The following GABRB2 variants were observed in gnomAD, a reference collection of about 807,000 sequenced individuals.
GABRB2 encodes the protein gamma-aminobutyric acid type A receptor subunit beta2.
A neutral mutation model predicts 54.7 loss-of-function variants in GABRB2; 16 were observed. That is an observed-to-expected ratio of 0.29 (90% CI 0.20 to 0.44). The LOEUF (loss-of-function observed/expected upper bound fraction) is 0.44, where lower values mean the gene tolerates loss of function less well. GABRB2 is among the 20% of genes least tolerant of loss of function. The pLI, the probability that GABRB2 is intolerant of heterozygous loss-of-function variation, is 1.00. For missense variants in GABRB2, 355 were observed against 644.0 expected, an observed-to-expected ratio of 0.55 and a Z score of 4.86; for synonymous variants, 244 against 233.8, an observed-to-expected ratio of 1.04 and a Z score of -0.40.
At chr5:161,352,563 TG>T (rs897562017) in intron 5 of GABRB2, among the ~76,000 whole-genome samples, 3 of 151,956 alleles carry the variant, frequency 2.0e-5, no homozygotes, top group Non-Finnish European at 4.4e-5. Flanking sequence ...GGAGTGGGAC[TG>T]GGGAGATGGT....
intron 7 of GABRB2, among the ~76,000 whole-genome samples, chr5:161,334,257 A>T (rs1753930025): frequency 6.6e-6 from 1 of 152,208 alleles, no homozygotes; most frequent in Non-Finnish European, 1.5e-5. Context: ...GCATAAGATG[A>T]GAGATGCCAC....
intron 3 of GABRB2, among the ~76,000 whole-genome samples, chr5:161,497,390 T>C (rs755414512): frequency 2.0e-5 from 3 of 152,116 alleles, no homozygotes; most frequent in Non-Finnish European, 4.4e-5. Flanking sequence ...ATTGAGCCTA[T>C]GGCATGAGGA....
chr5:161,508,212 G>A (rs368489591), intron 3 of GABRB2, among the ~76,000 whole-genome samples: 2 of 151,170 alleles, frequency 1.3e-5, no homozygotes, highest in African/African-American at 2.4e-5. Flanking sequence ...CTAGCTACAT[G>A]TGCTGTGAAT....
chr5:161,397,450 C>G (rs1029878150), intron 5 of GABRB2, among the ~76,000 whole-genome samples: 1 of 151,970 alleles, frequency 6.6e-6, no homozygotes, highest in South Asian at 2.1e-4. Flanking sequence ...AATAAATAAC[C>G]ATAATAAATA....
At chr5:161,406,918 T>A (rs1271044509) in intron 5 of GABRB2, among the ~76,000 whole-genome samples, 1 of 152,092 alleles carries the variant, frequency 6.6e-6, no homozygotes, top group Non-Finnish European at 1.5e-5. Flanking sequence ...TAGATCCCAC[T>A]ATGGCTGAGA....
chr5:161,468,710 G>A (rs1668478011), intron 3 of GABRB2, among the ~76,000 whole-genome samples: 1 of 151,758 alleles, frequency 6.6e-6, no homozygotes, highest in Non-Finnish European at 1.5e-5. Context: ...GTACCCCTAT[G>A]CCTAAAACAG....
At chr5:161,316,855 AC>A (rs1758052345) in intron 9 of GABRB2, among the ~76,000 whole-genome samples, 2 of 152,202 alleles carry the variant, frequency 1.3e-5, no homozygotes, top group Admixed American at 1.3e-4. Context: ...CAGGTGATCC[AC>A]CTGCCTCGGG....
At chr5:161,347,625 C>T (rs922404274) in intron 5 of GABRB2, among the ~76,000 whole-genome samples, 20 of 152,050 alleles carry the variant, frequency 1.3e-4, no homozygotes, top group Non-Finnish European at 2.5e-4. Flanking sequence ...TTCATCATGG[C>T]AGCTAGCCAG....
At chr5:161,429,936 A>C (rs1327903523) in intron 4 of GABRB2, among the ~76,000 whole-genome samples, 1 of 152,202 alleles carries the variant, frequency 6.6e-6, no homozygotes, top group East Asian at 1.9e-4. Flanking sequence ...AAGAAGGCCC[A>C]GTGTTCATGC....
chr5:161,419,415 C>T (rs1756783657), intron 4 of GABRB2, among the ~76,000 whole-genome samples: 1 of 152,140 alleles, frequency 6.6e-6, no homozygotes, highest in Non-Finnish European at 1.5e-5. Flanking sequence ...TCTCAAAGAA[C>T]TAAAAATAGA....
intron 3 of GABRB2, among the ~76,000 whole-genome samples, chr5:161,519,870 G>A (rs1250041224): frequency 6.6e-6 from 1 of 152,006 alleles, no homozygotes; most frequent in Non-Finnish European, 1.5e-5. Flanking sequence ...GTAAGTCTAA[G>A]AAATCATTTC....
At chr5:161,443,416 A>G (rs1295222879) in intron 4 of GABRB2, among the ~76,000 whole-genome samples, 1 of 152,186 alleles carries the variant, frequency 6.6e-6, no homozygotes, top group South Asian at 2.1e-4. Context: ...AATCAAAATC[A>G]CAAGAAAGGA....
At chr5:161,503,128 A>G (rs544540322) in intron 3 of GABRB2, among the ~76,000 whole-genome samples, 1 of 151,702 alleles carries the variant, frequency 6.6e-6, no homozygotes, top group East Asian at 1.9e-4. Flanking sequence ...GATTGTTGTT[A>G]TTGTTTTTTT....
chr5:161,510,503 G>C (rs1759736148), intron 3 of GABRB2, among the ~76,000 whole-genome samples: 1 of 151,662 alleles, frequency 6.6e-6, no homozygotes, highest in Non-Finnish European at 1.5e-5. Flanking sequence ...AATTCTTTTT[G>C]AACATAAATC....
At chr5:161,484,438 C>G (rs189627718) in intron 3 of GABRB2, among the ~76,000 whole-genome samples, 1 of 151,912 alleles carries the variant, frequency 6.6e-6, no homozygotes, top group Non-Finnish European at 1.5e-5. Context: ...AAATGACCCA[C>G]CTTTCAAGTA....
chr5:161,427,915 A>G (rs1462507572), intron 4 of GABRB2, among the ~76,000 whole-genome samples: 1 of 152,132 alleles, frequency 6.6e-6, no homozygotes, highest in African/African-American at 2.4e-5. Flanking sequence ...CTAATGAGTC[A>G]TTATTTCTAG....
intron 3 of GABRB2, among the ~76,000 whole-genome samples, chr5:161,470,638 G>A (rs1369788542): frequency 6.6e-6 from 1 of 151,842 alleles, no homozygotes; most frequent in Admixed American, 6.6e-5. Flanking sequence ...CTGGACAAAG[G>A]GATGGTTCAC....
At chr5:161,515,581 A>T (rs2113415540) in intron 3 of GABRB2, among the ~76,000 whole-genome samples, 1 of 152,266 alleles carries the variant, frequency 6.6e-6, no homozygotes, top group Non-Finnish European at 1.5e-5. Flanking sequence ...ATTTCCTTTA[A>T]ACGTCACTGA....
chr5:161,331,186 A>G, intron 7 of GABRB2, 59 bp from the exon 8 acceptor site: 19 of 1,490,914 alleles, frequency 1.3e-5, no homozygotes, highest in Non-Finnish European at 1.7e-5. Context: ...TTCTTTCTTA[A>G]TAGCTGGAAA....
Sources: gnomAD v4.1 joint callset for allele counts (sites outside exome capture counted in the v4.1 genomes callset) on GRCh38, gnomAD v4.1.1 for gene constraint, MANE v1.5 for transcripts, NCBI Gene and HGNC (gene_info 2026-07-23, HGNC 2026-07-21) for gene names.